DDX18: variants seen among roughly 807,000 people sequenced by gnomAD.
DDX18 encodes DEAD-box helicase 18, also known as ATP-dependent RNA helicase DDX18.
DDX18 carries 23 observed loss-of-function variants against 73.5 expected under a neutral mutation model. The ratio of observed to expected loss-of-function variants is 0.31; its 90% CI spans 0.23 to 0.44. DDX18 has a LOEUF of 0.44. DDX18 is among the 20% of genes least tolerant of loss of function. DDX18 has a pLI of 1.00. For missense variants in DDX18, 753 were observed against 792.9 expected, an observed-to-expected ratio of 0.95 and a Z score of 0.60; for synonymous variants, 268 against 282.7, an observed-to-expected ratio of 0.95 and a Z score of 0.52.
Position 117,830,945 on chromosome 2 carries a change from G to A in DDX18, c.*221G>A, listed in dbSNP as rs1250808557. The A allele has an allele frequency of 1.9e-6, 1 of 520,892 alleles. No individual in the cohort carries two copies. Among genetic ancestry groups the A allele is most frequent in the East Asian group, 3.6e-5 (1 of 27,710 alleles). The allele number at this position is 520,892 out of a possible 1,614,324, so 32.3% of individuals were successfully genotyped here. On this transcript the variant is annotated 3_prime_UTR_variant, in exon 14 of 14. Coordinates refer to ENST00000263239, the MANE Select transcript of DDX18 (RefSeq NM_006773.4). ...AGTTTCTTGGTTGCCCAAGGGCAGA[G>A]CAAGGAATATCTGGTGTTTCTTGTG...
At chr2:117,815,361 CG>C (rs1221578150) in intron 1 of DDX18, among the ~76,000 whole-genome samples, 3 of 152,212 alleles carry the variant, frequency 2.0e-5, no homozygotes, top group African/African-American at 7.2e-5. Flanking sequence ...CACACGTTCT[CG>C]TAGCACTTTC....
Position 117,829,348 on chromosome 2 carries a change from G to T in DDX18, c.1752G>T (p.Lys584Asn), listed in dbSNP as rs748026311. Residue 584 changes from lysine (K) to asparagine (N), a missense_variant, in exon 13 of 14, where the codon AAG becomes AAT. Lys to Asn is a moderately conservative substitution (Grantham distance 94, BLOSUM62 0). Around this residue, in one of 3 missense-constraint regions of DDX18, gnomAD observed 402 missense variants for 419.4 expected, o/e 0.96. Transcript: ENST00000263239. ...ATAAGTCAGCCCAGGAAGCATATAA[G>T]TCATACATACGAGCCTATGATTCCC... ...FLHKSAQEAY[K>N]SYIRAYDSHS... 1 of 1,613,772 alleles carries T rather than the reference G, an allele frequency of 6.2e-7. No homozygotes were observed. The highest frequency in any genetic ancestry group is 8.5e-7 in the Non-Finnish European group (1 of 1,179,930).
intron 7 of DDX18, chr2:117,822,613 T>C (rs1679866151): frequency 5.6e-6 from 1 of 178,346 alleles, no homozygotes; most frequent in South Asian, 1.2e-4. Flanking sequence ...GAACTGGTTA[T>C]AACTAAGACC....
At chr2:117,829,057 C>G in intron 12 of DDX18, 52 bp downstream of exon 12, 1 of 1,465,512 alleles carries the variant, frequency 6.8e-7, no homozygotes, top group South Asian at 1.1e-5. Flanking sequence ...TCCCAGCACT[C>G]TGTTTGTAGT....
chr2:117,821,127 T>C, intron 3 of DDX18, 34 bp from the exon 4 acceptor site: 1 of 1,490,384 alleles, frequency 6.7e-7, no homozygotes, highest in Non-Finnish European at 8.9e-7. Context: ...AAAAAAAAGA[T>C]AAATTTGCTA....
chr2:117,814,934 C>A, intron 1 of DDX18, 72 bp downstream of exon 1: 1 of 1,485,068 alleles, frequency 6.7e-7, no homozygotes, highest in Non-Finnish European at 9.4e-7. Context: ...CGGCCGGGGG[C>A]CCAGCTGCTC....
In DDX18 at chr2:117,830,619, AGGTGGTGGTGGATTT is replaced by A. The variant is rs1348907202; in HGVS notation, c.1911_1925del (p.Gly638_Gly642del). 1 of 1,613,688 alleles carries A rather than the reference AGGTGGTGGTGGATTT, an allele frequency of 6.2e-7. No individual in the cohort carries two copies. Among genetic ancestry groups the A allele is most frequent in the Non-Finnish European group, 8.5e-7 (1 of 1,179,814 alleles). On this transcript the variant is annotated inframe_deletion, in exon 14 of 14. Transcript: ENST00000263239. ...ATGAAGGCAAGCAGAAAAAGCGAGGAGGTGGTGGTGGATTTGGCTACCAGAAAACCAAGAAAGTTG... is the reference window on the plus strand; with the variant it reads ...ATGAAGGCAAGCAGAAAAAGCGAGGAGGCTACCAGAAAACCAAGAAAGTTG...
chr2:117,821,510 G>C, intron 4 of DDX18, 140 bp from the exon 5 acceptor site: 3 of 1,091,062 alleles, frequency 2.7e-6, no homozygotes, highest in Non-Finnish European at 4.0e-6. Flanking sequence ...TATGATTTCA[G>C]TATATAACCC....
At chr2:117,823,075 G>A (rs1179835015) in intron 7 of DDX18, among the ~76,000 whole-genome samples, 1 of 152,216 alleles carries the variant, frequency 6.6e-6, no homozygotes, top group East Asian at 1.9e-4. Flanking sequence ...AGCAGTGTAT[G>A]AAAGTTCCAG....
At chr2:117,822,896 A>G (rs961597020) in intron 7 of DDX18, 1 of 152,528 alleles carries the variant, frequency 6.6e-6, no homozygotes, top group African/African-American at 2.4e-5. Flanking sequence ...TTTTCTGGAA[A>G]TAAAGTTGCT....
At chr2:117,825,843 C>A in intron 10 of DDX18, 1 of 467,310 alleles carries the variant, frequency 2.1e-6, no homozygotes, top group Non-Finnish European at 3.8e-6. Context: ...GGAATGATCT[C>A]TTAAGAACAG....
Position 117,829,355 on chromosome 2 carries a change from A to G in DDX18, c.1759A>G (p.Ile587Val), listed in dbSNP as rs1464427709. The stretch of plus-strand genomic sequence containing the variant: ...AGCCCAGGAAGCATATAAGTCATAC[A>G]TACGAGCCTATGATTCCCATTCTCT... ...KSAQEAYKSY[I>V]RAYDSHSLKQ... Residue 587 changes from isoleucine to valine, a missense_variant, in exon 13 of 14, where the codon ATA becomes GTA. Physicochemically the swap from Ile to Val is conservative, Grantham distance 29 (BLOSUM62 3). Transcript: ENST00000263239. 6.2e-7 allele frequency: 1 copy of G among 1,614,100 alleles called. No individual in the cohort carries two copies.
At position 117,817,443 on chromosome 2, in the gene DDX18, G is replaced by A. The variant is rs921604823; in HGVS notation, c.86-1G>A. On this transcript the variant is annotated splice_acceptor_variant, in intron 1 of 13. Coordinates refer to ENST00000263239, the MANE Select transcript of DDX18 (RefSeq NM_006773.4). LOFTEE classifies it high-confidence loss of function. ...AGTATATGTTCTGTTTATTTAAACA[G>A]GGGCCTCAAATCTGACCCTATCGGA... The A allele has an allele frequency of 6.3e-7, 1 of 1,594,078 alleles. No homozygotes were observed. The highest frequency in any genetic ancestry group is 1.4e-5 in the African/African-American group (1 of 73,380).
chr2:117,826,110 C>A, intron 10 of DDX18, 159 bp from the exon 11 acceptor site: 1 of 312,484 alleles, frequency 3.2e-6, no homozygotes, highest in Non-Finnish European at 5.9e-6. Flanking sequence ...AGAGCGATTG[C>A]TGGCCCAGCT....
chr2:117,814,902 C>T (rs1190492802), intron 1 of DDX18, 40 bp downstream of exon 1: 9 of 1,609,734 alleles, frequency 5.6e-6, no homozygotes, highest in Non-Finnish European at 7.7e-6. Flanking sequence ...AAGACCCACG[C>T]GCGAGCCCTG....
At chr2:117,820,777 TA>T (rs1172045030) in intron 3 of DDX18, among the ~76,000 whole-genome samples, 1 of 152,214 alleles carries the variant, frequency 6.6e-6, no homozygotes, top group East Asian at 1.9e-4. Context: ...TTTTTTTTAT[TA>T]TTGACTTCAC....
At chr2:117,815,120 T>A in intron 1 of DDX18, 1 of 527,248 alleles carries the variant, frequency 1.9e-6, no homozygotes, top group Non-Finnish European at 3.4e-6. Flanking sequence ...CCCCGTTCAC[T>A]TCTAGGCTTA....
chr2:117,826,126 G>GGGGTGTGGTGAAGGT (rs1679923566), intron 10 of DDX18, 143 bp from the exon 11 acceptor site: 4 of 567,780 alleles, frequency 7.0e-6, no homozygotes, highest in Non-Finnish European at 9.2e-6. Context: ...CAGCTTTGTG[G>GGGGTGTGGTGAAGGT]GGGTGTGGTG....
intron 11 of DDX18, chr2:117,827,706 A>T (rs1679956961): frequency 6.6e-6 from 1 of 152,154 alleles, no homozygotes; most frequent in East Asian, 1.9e-4. Flanking sequence ...CATGGTGTGT[A>T]TGTGCCACAT....
Sources: gnomAD v4.1 joint callset for allele counts (sites outside exome capture counted in the v4.1 genomes callset) on GRCh38, gnomAD v4.1.1 for gene constraint, gnomAD v4.1.1 regional missense constraint, MANE v1.5 for transcripts, NCBI Gene and HGNC (gene_info 2026-07-23, HGNC 2026-07-21) for gene names.